Variants in FIGN observed in about 807,000 individuals in gnomAD.
The protein encoded by FIGN is fidgetin.
In FIGN, 11 loss-of-function variants were observed where a neutral mutation model predicts 51.3. That is an observed-to-expected ratio of 0.21 (90% CI 0.13 to 0.35). The LOEUF is 0.35. Ranked by LOEUF, FIGN falls within the 10% of genes least tolerant of loss-of-function variation. The pLI is 1.00. For missense variants in FIGN, 857 were observed against 943.6 expected (o/e 0.91, Z 1.20); for synonymous variants, 407 against 363.2 (o/e 1.12, Z -1.37).
At chr2:163,710,653 A>T (rs956371691) in intron 2 of FIGN, among the ~76,000 whole-genome samples, 1 of 152,214 alleles carries the variant, frequency 6.6e-6, no homozygotes, top group Non-Finnish European at 1.5e-5. Context: ...AGTGCTAGCT[A>T]AATGAAAGGT....
At position 163,643,296 on chromosome 2, in the gene FIGN, A is replaced by C. The variant is rs868399352; in HGVS notation, c.26-31490T>G. On this transcript the variant is annotated intron_variant, in intron 2 of 2. Transcript: ENST00000333129. Reference sequence around the variant, plus strand: ...TCGAGCAAAAACAGTCTTTTCAACAAATGGTGATAGGACAAGTAGGTAGCA... The same window carrying C: ...TCGAGCAAAAACAGTCTTTTCAACACATGGTGATAGGACAAGTAGGTAGCA... 3.3e-5 allele frequency among the ~76,000 whole-genome samples: 5 copies of C among 152,196 alleles called. No homozygotes were observed. The South Asian group carries it at 1.0e-3, about 31-fold the overall frequency.
intron 2 of FIGN, among the ~76,000 whole-genome samples, chr2:163,691,482 C>G (rs893067512): frequency 6.6e-6 from 1 of 152,050 alleles, no homozygotes; most frequent in Non-Finnish European, 1.5e-5. Flanking sequence ...TTTGCCATCC[C>G]TGGTTTATAA....
chr2:163,630,257 C>A (rs1486739039), intron 2 of FIGN, among the ~76,000 whole-genome samples: 1 of 151,984 alleles, frequency 6.6e-6, no homozygotes, highest in Non-Finnish European at 1.5e-5. Context: ...TGAGCCACTG[C>A]ACCCAGCAGA....
Position 163,610,358 on chromosome 2 carries a change from C to G in FIGN, c.1474G>C (p.Asp492His). 2 of 1,614,122 alleles carry G rather than the reference C, an allele frequency of 1.2e-6. No individual in the cohort carries two copies. The highest frequency in any genetic ancestry group is 1.7e-6 in the Non-Finnish European group (2 of 1,180,022). Residue 492 changes from aspartate to histidine, a missense_variant, in exon 3 of 3, where the codon GAC (aspartate) becomes CAC (histidine). Coordinates refer to ENST00000333129, the MANE Select transcript of FIGN (RefSeq NM_018086.4). ...PVDWNDIAGL[D>H]LVKAVIKEEV... ...TCTTTAATGACAGCCTTCACCAGGT[C>G]GAGACCAGCAATGTCATTCCAGTCC...
intron 2 of FIGN, among the ~76,000 whole-genome samples, chr2:163,698,013 A>G (rs1346900427): frequency 1.3e-5 from 2 of 152,132 alleles, no homozygotes; most frequent in African/African-American, 4.8e-5. Context: ...TCCTGCTCAC[A>G]GTGCACCACC....
intron 2 of FIGN, among the ~76,000 whole-genome samples, chr2:163,634,246 A>G (rs1222792120): frequency 6.6e-6 from 1 of 152,130 alleles, no homozygotes; most frequent in African/African-American, 2.4e-5. Flanking sequence ...CTATTATTAT[A>G]TAGCTATGAC....
chr2:163,610,812 T>C lies in FIGN; in HGVS notation c.1020A>G (p.Gln340=), dbSNP rs1276078367. 6.3e-7 allele frequency: 1 copy of C among 1,577,218 alleles called. No homozygotes were observed. The highest frequency in any genetic ancestry group is 2.3e-5 in the East Asian group (1 of 43,784). Residue 340 remains glutamine, a synonymous_variant, in exon 3 of 3, where the codon CAA becomes CAG. Transcript: ENST00000333129. Reference sequence around the variant, plus strand: ...ACATAGGACTCTGTGTAGATCTCTGTTGGCCATAGCTGTAATTTCCATAAC... The same window carrying C: ...ACATAGGACTCTGTGTAGATCTCTGCTGGCCATAGCTGTAATTTCCATAAC... ...DSSYGNYSYG[Q]QRSTQSPMYR...
chr2:163,712,649 GT>G lies in FIGN; in HGVS notation c.25+22253del, dbSNP rs59441285. 4.8e-3 allele frequency among the ~76,000 whole-genome samples: 727 copies of G among 151,806 alleles called. 5 individuals are homozygous for G. The highest frequency in any genetic ancestry group is 8.3e-3 in the Non-Finnish European group (560 of 67,850). On this transcript the variant is annotated intron_variant, in intron 2 of 2. Coordinates refer to ENST00000333129, the MANE Select transcript of FIGN (RefSeq NM_018086.4). ...CAAATGCTTGGTTATATGTTGTGAG[GT>G]TTTTTTTAAGGCAAAATAAAACAGT...
intron 2 of FIGN, among the ~76,000 whole-genome samples, chr2:163,632,400 G>A (rs1409525038): frequency 6.6e-6 from 1 of 152,088 alleles, no homozygotes; most frequent in Non-Finnish European, 1.5e-5. Context: ...TAGCATAAAG[G>A]CTTAACATGT....
chr2:163,689,318 C>T, intron 2 of FIGN, among the ~76,000 whole-genome samples: 1 of 151,996 alleles, frequency 6.6e-6, no homozygotes, highest in East Asian at 1.9e-4. Flanking sequence ...GAAAGTGATG[C>T]TCATCTGGTT....
intron 2 of FIGN, among the ~76,000 whole-genome samples, chr2:163,613,442 A>G (rs757602165): frequency 6.6e-6 from 1 of 152,038 alleles, no homozygotes; most frequent in Non-Finnish European, 1.5e-5. Context: ...TCTTCCTCCA[A>G]GCTCTGTGGC....
chr2:163,650,721 C>G (rs1683460313), intron 2 of FIGN, among the ~76,000 whole-genome samples: 1 of 152,122 alleles, frequency 6.6e-6, no homozygotes, highest in Admixed American at 6.5e-5. Flanking sequence ...TCTAAGGAGG[C>G]ATGGAAAGCT....
At chr2:163,730,662 T>G (rs571929109) in intron 2 of FIGN, among the ~76,000 whole-genome samples, 17 of 152,268 alleles carry the variant, frequency 1.1e-4, no homozygotes, top group Middle Eastern at 3.4e-3. Context: ...CACATACATT[T>G]ATTTTTTATT....
intron 2 of FIGN, among the ~76,000 whole-genome samples, chr2:163,687,989 C>T (rs1315400621): frequency 6.6e-6 from 1 of 152,112 alleles, no homozygotes; most frequent in Non-Finnish European, 1.5e-5. Flanking sequence ...CTGTATTACA[C>T]GTCAACTATA....
intron 2 of FIGN, among the ~76,000 whole-genome samples, chr2:163,680,110 G>A (rs995448528): frequency 6.6e-6 from 1 of 152,130 alleles, no homozygotes; most frequent in African/African-American, 2.4e-5. Flanking sequence ...AGTCCCTAAA[G>A]TTCCAAGAAC....
chr2:163,611,308 C>T lies in FIGN; in HGVS notation c.524G>A (p.Ser175Asn), dbSNP rs747652183. ...SSTCGSHTVP[S>N]LHAGLPSQEY... ...CTGAGATGGGAGCCCTGCATGAAGA[C>T]TGGGTACAGTGTGGCTTCCACAGGT... Residue 175 changes from serine (S) to asparagine (N), a missense_variant, in exon 3 of 3, where the codon AGT becomes AAT. This residue lies in a region of FIGN where 799 missense variants were observed against 849.5 expected (regional missense o/e 0.94). Transcript: ENST00000333129. 1 of 1,614,122 alleles carries T rather than the reference C, an allele frequency of 6.2e-7. No individual in the cohort carries two copies. The highest frequency in any genetic ancestry group is 1.7e-5 in the Admixed American group (1 of 60,008).
At position 163,697,977 on chromosome 2, in the gene FIGN, G is replaced by A. The variant is rs1396923941; in HGVS notation, c.25+36926C>T. ...TCTTGAGAAGAGATAAAGAAAAAGG[G>A]AGATAGATGGAAAAGGGCACTCCCT... is the stretch of plus-strand genomic sequence containing the variant. On this transcript the variant is annotated intron_variant, in intron 2 of 2. Coordinates refer to ENST00000333129, the MANE Select transcript of FIGN (RefSeq NM_018086.4). Among the ~76,000 whole-genome samples, 3 of 152,096 alleles carry A rather than the reference G, an allele frequency of 2.0e-5. No individual in the cohort carries two copies. In the East Asian group the frequency reaches 5.8e-4, roughly 29 times the overall value.
chr2:163,630,662 T>C (rs892905189), intron 2 of FIGN, among the ~76,000 whole-genome samples: 15 of 138,372 alleles, frequency 1.1e-4, no homozygotes, highest in African/African-American at 3.7e-4. Context: ...TAGCAAGGAT[T>C]TGTACAAAAA....
rs2105293899 is a variant in FIGN, at chr2:163,604,239, T to C, written c.*5313A>G. 1 of 152,184 alleles carries C rather than the reference T, an allele frequency of 6.6e-6. No homozygotes were observed. The highest frequency in any genetic ancestry group is 6.6e-5 in the Admixed American group (1 of 15,256). 9.4% of individuals were successfully genotyped at this position (152,184 alleles called of 1,614,324 possible). A position where few individuals can be genotyped will look rare whatever the true frequency, so the allele number is the denominator to read the frequency against. ...TGTCAGTCAAAATATAAAAATGTTGTTTGAATTTGTTTGTCTTAAGTAGCC... is the reference window on the plus strand; with the variant it reads ...TGTCAGTCAAAATATAAAAATGTTGCTTGAATTTGTTTGTCTTAAGTAGCC... On this transcript the variant is annotated 3_prime_UTR_variant, in exon 3 of 3. Coordinates refer to ENST00000333129, the MANE Select transcript of FIGN (RefSeq NM_018086.4).
Sources: allele counts gnomAD v4.1 joint callset (sites outside exome capture counted in the v4.1 genomes callset), GRCh38; gene constraint gnomAD v4.1.1; regional missense constraint gnomAD v4.1.1; transcripts MANE v1.5; gene names NCBI Gene and HGNC (gene_info 2026-07-23, HGNC 2026-07-21).